The following DNAJC24 variants were observed in gnomAD, a reference collection of about 807,000 sequenced individuals.
DNAJC24 encodes dnaJ homolog subfamily C member 24.
DNAJC24 carries 17 observed loss-of-function variants against 18.0 expected under a neutral mutation model. That is an observed-to-expected ratio of 0.94 (90% CI 0.65 to 1.42). The LOEUF (loss-of-function observed/expected upper bound fraction) is 1.42, where lower values mean the gene tolerates loss of function less well. DNAJC24 is among the 40% of genes most tolerant of loss of function. DNAJC24 has a pLI of 0.00. For synonymous variants in DNAJC24, 55 were observed against 57.7 expected (o/e 0.95, Z 0.21); for missense variants, 158 against 175.6 (o/e 0.90, Z 0.57).
At chr11:31,392,946 G>A (rs1002139156) in intron 2 of DNAJC24, among the ~76,000 whole-genome samples, 4 of 152,066 alleles carry the variant, frequency 2.6e-5, no homozygotes, top group Non-Finnish European at 4.4e-5. Flanking sequence ...ACTGTGCCAC[G>A]CCTCCCTTAC....
chr11:31,415,313 G>A (rs1952743049), intron 3 of DNAJC24: 2 of 159,506 alleles, frequency 1.3e-5, no homozygotes, highest in Non-Finnish European at 2.7e-5. Flanking sequence ...CAGTATAAAT[G>A]ACAATCCAAA....
intron 2 of DNAJC24, among the ~76,000 whole-genome samples, chr11:31,399,960 G>A (rs547891983): frequency 5.3e-5 from 8 of 151,940 alleles, no homozygotes; most frequent in Non-Finnish European, 1.0e-4. Flanking sequence ...CCCTCCCTGT[G>A]TCCATGTGTT....
At chr11:31,401,603 T>C (rs138590595) in intron 2 of DNAJC24, among the ~76,000 whole-genome samples, 10 of 152,202 alleles carry the variant, frequency 6.6e-5, no homozygotes, top group African/African-American at 2.4e-4. Flanking sequence ...AATCTCAGAA[T>C]CAATCTCTCA....
At chr11:31,414,169 C>A (rs754532154) in intron 2 of DNAJC24, among the ~76,000 whole-genome samples, 5 of 152,096 alleles carry the variant, frequency 3.3e-5, no homozygotes, top group Non-Finnish European at 5.9e-5. Flanking sequence ...ACATAAGATT[C>A]TTTAATGAAT....
At chr11:31,407,151 G>T (rs1430756512) in intron 2 of DNAJC24, among the ~76,000 whole-genome samples, 1 of 152,168 alleles carries the variant, frequency 6.6e-6, no homozygotes, top group Non-Finnish European at 1.5e-5. Context: ...GAAAACCAAA[G>T]TGCTATGTCC....
chr11:31,403,234 C>T (rs1453474287), intron 2 of DNAJC24, among the ~76,000 whole-genome samples: 1 of 151,722 alleles, frequency 6.6e-6, no homozygotes, highest in Non-Finnish European at 1.5e-5. Context: ...CTTGGGTCTG[C>T]CCATCAGGTT....
At chr11:31,425,083 T>C (rs1435313717) in intron 3 of DNAJC24, among the ~76,000 whole-genome samples, 1 of 152,144 alleles carries the variant, frequency 6.6e-6, no homozygotes, top group Non-Finnish European at 1.5e-5. Context: ...ATTGCCATCT[T>C]TGACCCAAAG....
At chr11:31,382,933 C>G (rs1227168150) in intron 2 of DNAJC24, among the ~76,000 whole-genome samples, 1 of 152,174 alleles carries the variant, frequency 6.6e-6, no homozygotes, top group Non-Finnish European at 1.5e-5. Context: ...ATGTTTCCTT[C>G]TTTGTTCTCA....
At chr11:31,394,367 C>T (rs1952525961) in intron 2 of DNAJC24, among the ~76,000 whole-genome samples, 1 of 152,134 alleles carries the variant, frequency 6.6e-6, no homozygotes, top group East Asian at 1.9e-4. Flanking sequence ...GCACATGTCA[C>T]CAATGACCAA....
At chr11:31,421,876 A>G in intron 3 of DNAJC24, 1 of 354,152 alleles carries the variant, frequency 2.8e-6, no homozygotes, top group Non-Finnish European at 5.6e-6. Context: ...AGCTCTAGTA[A>G]GCTTTACTGA....
chr11:31,418,702 C>A (rs1952775356), intron 3 of DNAJC24, among the ~76,000 whole-genome samples: 1 of 152,004 alleles, frequency 6.6e-6, no homozygotes. Flanking sequence ...TAATTGGATA[C>A]CCAAAACAGC....
intron 2 of DNAJC24, among the ~76,000 whole-genome samples, chr11:31,405,041 G>A (rs1038104024): frequency 6.6e-6 from 1 of 151,642 alleles, no homozygotes; most frequent in African/African-American, 2.4e-5. Context: ...GTAGAAGGAG[G>A]GTAGAGAAAG....
At chr11:31,396,497 T>C (rs181341475) in intron 2 of DNAJC24, 2 of 229,946 alleles carry the variant, frequency 8.7e-6, no homozygotes, top group East Asian at 2.2e-4. Context: ...TTCCTTTAGC[T>C]TTATCTGCTG....
rs189624643 is a variant in DNAJC24, at chr11:31,403,870, G to A, written c.112-10941G>A. The stretch of plus-strand genomic sequence containing the variant: ...TTCAGGGTGAGTCCATAAAGTGAAA[G>A]GAAGTTTATTAAGAAAGTAGAGGAT... On this transcript the variant is annotated intron_variant, in intron 2 of 4. Coordinates refer to ENST00000465995, the MANE Select transcript of DNAJC24 (RefSeq NM_181706.5). Among the ~76,000 whole-genome samples the A allele has an allele frequency of 1.8e-4, 28 of 152,332 alleles. No homozygotes were observed. In the East Asian group the frequency reaches 3.5e-3, roughly 19 times the overall value.
intron 2 of DNAJC24, among the ~76,000 whole-genome samples, chr11:31,387,855 T>G (rs1244517180): frequency 6.6e-6 from 1 of 152,150 alleles, no homozygotes; most frequent in Admixed American, 6.5e-5. Flanking sequence ...GAGTGAAATT[T>G]AAGATAACGC....
intron 2 of DNAJC24, among the ~76,000 whole-genome samples, chr11:31,406,928 A>G (rs2133491142): frequency 6.6e-6 from 1 of 152,294 alleles, no homozygotes; most frequent in African/African-American, 2.4e-5. Flanking sequence ...GCGTGGAGTT[A>G]TTTTTTAACA....
At chr11:31,413,736 C>T (rs1317277307) in intron 2 of DNAJC24, among the ~76,000 whole-genome samples, 1 of 152,118 alleles carries the variant, frequency 6.6e-6, no homozygotes, top group Non-Finnish European at 1.5e-5. Context: ...TTTGGTTACA[C>T]AAAAGAACCT....
At chr11:31,396,060 A>C (rs1208179392) in intron 2 of DNAJC24, among the ~76,000 whole-genome samples, 3 of 152,154 alleles carry the variant, frequency 2.0e-5, no homozygotes, top group Non-Finnish European at 4.4e-5. Context: ...ATTGTCTACT[A>C]TCCATTGGCT....
At chr11:31,397,766 G>A (rs1952557242) in intron 2 of DNAJC24, among the ~76,000 whole-genome samples, 1 of 151,612 alleles carries the variant, frequency 6.6e-6, no homozygotes, top group Non-Finnish European at 1.5e-5. Flanking sequence ...ACAGTGATTT[G>A]CAATAATGAA....
Sources: gnomAD v4.1 joint callset for allele counts (sites outside exome capture counted in the v4.1 genomes callset) on GRCh38, gnomAD v4.1.1 for gene constraint, MANE v1.5 for transcripts, NCBI Gene and HGNC (gene_info 2026-07-23, HGNC 2026-07-21) for gene names.